NRXN1: variants seen among roughly 807,000 people sequenced by gnomAD.
NRXN1 encodes neurexin-1.
A neutral mutation model predicts 150.9 loss-of-function variants in NRXN1; 39 were observed. The observed-to-expected ratio is 0.26, with a 90% CI of 0.20 to 0.34. The LOEUF is 0.34. NRXN1 is among the 10% of genes least tolerant of loss of function. The pLI, the probability that NRXN1 is intolerant of heterozygous loss-of-function variation, is 1.00. For synonymous variants in NRXN1, 924 were observed against 757.0 expected (o/e 1.22, Z -3.62); for missense variants, 1,815 against 1,949.9 (o/e 0.93, Z 1.30).
chr2:50,658,567 A>G (rs1686840281), intron 5 of NRXN1, among the ~76,000 whole-genome samples: 2 of 151,918 alleles, frequency 1.3e-5, no homozygotes, highest in South Asian at 4.2e-4. Context: ...TTCTGCTGCC[A>G]TAATTCAAAA....
chr2:50,237,282 T>G (rs2065546527), intron 17 of NRXN1, among the ~76,000 whole-genome samples: 1 of 152,016 alleles, frequency 6.6e-6, no homozygotes, highest in African/African-American at 2.4e-5. Context: ...TTCCTGCCAG[T>G]TTTTAAGAAA....
chr2:50,287,441 T>C (rs2152939593), intron 17 of NRXN1, among the ~76,000 whole-genome samples: 1 of 152,258 alleles, frequency 6.6e-6, no homozygotes, highest in Middle Eastern at 3.4e-3. Context: ...ATAATTTCCA[T>C]TTTAATGCTT....
intron 21 of NRXN1, among the ~76,000 whole-genome samples, chr2:50,025,948 A>G (rs1688216103): frequency 6.6e-6 from 1 of 152,216 alleles, no homozygotes; most frequent in South Asian, 2.1e-4. Flanking sequence ...GCCAGTCCCA[A>G]CTGGGAAGAT....
rs914127223 is a variant in NRXN1, at chr2:50,421,675, C to G, written c.3364+43767G>C. Among the ~76,000 whole-genome samples the G allele has an allele frequency of 5.3e-5, 8 of 152,078 alleles. No homozygotes were observed. The East Asian group carries it at 1.5e-3, about 29-fold the overall frequency. On this transcript the variant is annotated intron_variant, in intron 17 of 22. Coordinates refer to ENST00000401669, the MANE Select transcript of NRXN1 (RefSeq NM_001330078.2). ...TGATTACCTGCAGGATGACATCACC[C>G]ATATGCACTAGTAGATTTGGACTCC...
rs190563472 is a variant in NRXN1, at chr2:50,970,069, C to G, written c.773-44114G>C. Among the ~76,000 whole-genome samples the G allele has an allele frequency of 2.3e-4, 35 of 152,228 alleles. No homozygotes were observed. The East Asian group carries it at 6.6e-3, about 29-fold the overall frequency. ...TTCTGGGTATAGAACATGACCCCTT[C>G]TGGAATGGGAGTTTTAGTACCTACA... On this transcript the variant is annotated intron_variant, in intron 2 of 22. Transcript: ENST00000401669.
chr2:50,245,919 A>AT (rs150640825), intron 17 of NRXN1, among the ~76,000 whole-genome samples: 40 of 150,132 alleles, frequency 2.7e-4, no homozygotes, highest in East Asian at 3.9e-4. Flanking sequence ...ATTCTTAGTG[A>AT]TTTTTTTTTT....
At chr2:50,324,328 T>C (rs2076246339) in intron 17 of NRXN1, among the ~76,000 whole-genome samples, 1 of 152,186 alleles carries the variant, frequency 6.6e-6, no homozygotes, top group African/African-American at 2.4e-5. Flanking sequence ...TGGAAAGGTT[T>C]TGAGCCTTAA....
intron 5 of NRXN1, among the ~76,000 whole-genome samples, chr2:50,756,818 G>T (rs1426686450): frequency 1.3e-5 from 2 of 151,730 alleles, no homozygotes; most frequent in Non-Finnish European, 2.9e-5. Context: ...AAAGTTGAAA[G>T]CATACATTTT....
chr2:50,145,751 T>C (rs1407559188), intron 18 of NRXN1, among the ~76,000 whole-genome samples: 2 of 151,626 alleles, frequency 1.3e-5, no homozygotes, highest in Non-Finnish European at 3.0e-5. Context: ...ATAAATTATT[T>C]TGGAATTATA....
intron 17 of NRXN1, among the ~76,000 whole-genome samples, chr2:50,447,502 A>AC (rs1194146408): frequency 1.4e-5 from 2 of 146,080 alleles, no homozygotes; most frequent in African/African-American, 5.1e-5. Flanking sequence ...AAAAAAAAAA[A>AC]AAAGGAATTC....
chr2:50,740,889 T>C (rs1173491645), intron 5 of NRXN1, among the ~76,000 whole-genome samples: 1 of 152,192 alleles, frequency 6.6e-6, no homozygotes, highest in Non-Finnish European at 1.5e-5. Flanking sequence ...AATCAATAAC[T>C]ACCCACAGCT....
chr2:50,339,282 T>G (rs1237748529), intron 17 of NRXN1, among the ~76,000 whole-genome samples: 1 of 152,186 alleles, frequency 6.6e-6, no homozygotes, highest in Admixed American at 6.5e-5. Context: ...CAATTTTAAT[T>G]ATTTGACAAA....
chr2:50,000,705 A>G (rs888474025), intron 21 of NRXN1, among the ~76,000 whole-genome samples: 1 of 152,146 alleles, frequency 6.6e-6, no homozygotes, highest in Non-Finnish European at 1.5e-5. Flanking sequence ...TGTTAACAGG[A>G]TATCAATGTG....
chr2:50,945,497 TCC>T (rs1486290227), intron 2 of NRXN1, among the ~76,000 whole-genome samples: 3 of 112,234 alleles, frequency 2.7e-5, no homozygotes, highest in African/African-American at 3.7e-5. Flanking sequence ...AATATATAGC[TCC>T]CTCTCTCTCT....
chr2:50,965,175 TAC>T (rs1428545867), intron 2 of NRXN1, among the ~76,000 whole-genome samples: 5 of 151,302 alleles, frequency 3.3e-5, no homozygotes, highest in Admixed American at 6.6e-5. Context: ...TATATAGATA[TAC>T]GATATATTGT....
At chr2:50,368,755 C>A (rs919506776) in intron 17 of NRXN1, among the ~76,000 whole-genome samples, 12 of 151,868 alleles carry the variant, frequency 7.9e-5, no homozygotes, top group African/African-American at 2.9e-4. Flanking sequence ...TAGGAAAGGC[C>A]AACAGGTAGA....
chr2:49,986,862 G>C (rs1299499080), intron 21 of NRXN1, among the ~76,000 whole-genome samples: 2 of 151,936 alleles, frequency 1.3e-5, no homozygotes, highest in Non-Finnish European at 2.9e-5. Context: ...CCAGGAGTTT[G>C]AGACCAGCCT....
At chr2:50,571,651 A>G (rs115874800) in intron 8 of NRXN1, among the ~76,000 whole-genome samples, 4,197 of 151,922 alleles carry the variant, frequency 0.028, 150 homozygotes, top group African/African-American at 0.079. Flanking sequence ...ATTTTGGGGG[A>G]CAAATAATAT....
At chr2:50,566,684 T>C (rs558084433) in intron 8 of NRXN1, among the ~76,000 whole-genome samples, 1 of 152,264 alleles carries the variant, frequency 6.6e-6, no homozygotes, top group East Asian at 1.9e-4. Flanking sequence ...TTTATCTCCA[T>C]ACTAAAGCTC....
Sources: gnomAD v4.1 joint callset for allele counts (sites outside exome capture counted in the v4.1 genomes callset) on GRCh38, gnomAD v4.1.1 for gene constraint, MANE v1.5 for transcripts, NCBI Gene and HGNC (gene_info 2026-07-23, HGNC 2026-07-21) for gene names.